Variants in TRAPPC2L observed in about 807,000 individuals in gnomAD.
TRAPPC2L encodes the protein trafficking protein particle complex subunit 2L.
A neutral mutation model predicts 13.2 loss-of-function variants in TRAPPC2L; 17 were observed. The ratio of observed to expected loss-of-function variants is 1.29; its 90% CI spans 0.88 to 1.93. The LOEUF is 1.93. Ranked by LOEUF, TRAPPC2L falls within the 30% of genes most tolerant of loss-of-function variation. TRAPPC2L has a pLI of 0.00. For missense variants in TRAPPC2L, 359 were observed against 252.1 expected, an observed-to-expected ratio of 1.42 and a Z score of -2.87; for synonymous variants, 150 against 98.1, an observed-to-expected ratio of 1.53 and a Z score of -3.12.
At chr16:88,858,950 T>C (rs143119043) in intron 2 of TRAPPC2L, 159 bp downstream of exon 2, 2 of 717,266 alleles carry the variant, frequency 2.8e-6, no homozygotes, top group Admixed American at 6.2e-5. Flanking sequence ...CTGTAACTCT[T>C]CTCTTTCATT....
In TRAPPC2L at chr16:88,860,896, G is replaced by A; in HGVS notation, c.*572G>A. On this transcript the variant is annotated 3_prime_UTR_variant, in exon 4 of 4. Coordinates refer to ENST00000565504, the Ensembl canonical transcript of TRAPPC2L. ...GAGGGCCTGGCTCTCCTCTGAGTGGGTCTGTTTCTCTTAGCAGGGCCTTTG... is the reference window on the plus strand; with the variant it reads ...GAGGGCCTGGCTCTCCTCTGAGTGGATCTGTTTCTCTTAGCAGGGCCTTTG... 1.3e-6 allele frequency: 2 copies of A among 1,585,614 alleles called. No homozygotes were observed. Among genetic ancestry groups the A allele is most frequent in the Non-Finnish European group, 8.6e-7 (1 of 1,167,682 alleles).
chr16:88,858,820 G>C (rs779661405), intron 2 of TRAPPC2L, 29 bp downstream of exon 2: 5 of 1,599,890 alleles, frequency 3.1e-6, no homozygotes, highest in Non-Finnish European at 4.3e-6. Context: ...TGTGTGTCAG[G>C]GAGGACCTAC....
Position 88,857,354 on chromosome 16 carries a change from C to G in TRAPPC2L, c.33+171C>G, listed in dbSNP as rs1040149908. 13 of 592,648 alleles carry G rather than the reference C, an allele frequency of 2.2e-5. No individual in the cohort carries two copies. In the South Asian group the frequency reaches 2.9e-4, roughly 13 times the overall value. 36.7% of individuals were successfully genotyped at this position (592,648 alleles called of 1,614,324 possible). A position where few individuals can be genotyped will look rare whatever the true frequency, so the allele number is the denominator to read the frequency against. The stretch of plus-strand genomic sequence containing the variant: ...CGGTGGACGAGCCGCCAGGCAGACC[C>G]TGACTGAGACCCCAGTTCCGCGCTC... On this transcript the variant is annotated intron_variant, in intron 1 of 3. Coordinates refer to ENST00000565504, the Ensembl canonical transcript of TRAPPC2L.
intron 2 of TRAPPC2L, chr16:88,859,365 T>C: frequency 1.5e-6 from 1 of 684,260 alleles, no homozygotes; most frequent in East Asian, 2.8e-5. Context: ...GGGCCAGGCA[T>C]TGATTCATGA....
exon 4 of TRAPPC2L, chr16:88,861,629 C>G (rs1231803395): frequency 4.0e-6 from 2 of 496,132 alleles, no homozygotes; most frequent in Non-Finnish European, 8.3e-6. Context: ...TGCTGTGTCA[C>G]TTGATGACGT....
rs894376468 is a variant in TRAPPC2L at position 88,858,613 on chromosome 16, T to C, written c.34-6T>C. 4 of 1,611,762 alleles carry C rather than the reference T, an allele frequency of 2.5e-6. No homozygotes were observed. Among genetic ancestry groups the C allele is most frequent in the Admixed American group, 1.7e-5 (1 of 59,998 alleles). ...TCCTTTCAGTCGCCGTCATCCTTTC[T>C]TGCAGAATTACCCCCTCTACATTCG... is the stretch of plus-strand genomic sequence containing the variant. On this transcript the variant is annotated splice_polypyrimidine_tract_variant and splice_region_variant and intron_variant, in intron 1 of 3. Transcript: ENST00000565504.
At chr16:88,857,000 G>A (rs1296151658), upstream of TRAPPC2L, 2 of 1,390,744 alleles carry the variant, frequency 1.4e-6, no homozygotes, top group Non-Finnish European at 1.8e-6. Context: ...CGGGGCCAGA[G>A]TCCGCGGAGG....
intron 1 of TRAPPC2L, among the ~76,000 whole-genome samples, chr16:88,857,780 A>G (rs897178221): frequency 3.2e-4 from 49 of 152,128 alleles, no homozygotes; most frequent in African/African-American, 1.2e-3. Flanking sequence ...ACCTCTCCCC[A>G]GCTCCCATCC....
Position 88,860,747 on chromosome 16 carries a change from C to T in TRAPPC2L, c.*423C>T, listed in dbSNP as rs574466383. 164 of 720,094 alleles carry T rather than the reference C, an allele frequency of 2.3e-4. No individual in the cohort carries two copies. The South Asian group carries it at 2.7e-3, about 12-fold the overall frequency. 44.6% of individuals were successfully genotyped at this position (720,094 alleles called of 1,614,324 possible). On this transcript the variant is annotated 3_prime_UTR_variant, in exon 4 of 4. Transcript: ENST00000565504. ...GGAGGCAGCAGATGGGTTCTCAGTG[C>T]CCGGTGGGGTGGGACTCCTGTCCTG...
At chr16:88,857,100 G>T, upstream of TRAPPC2L, 1 of 1,552,488 alleles carries the variant, frequency 6.4e-7, no homozygotes, top group Non-Finnish European at 8.7e-7. Context: ...TGGAGGCCGC[G>T]TGACCAGCGG....
chr16:88,861,750 T>A (rs1968407518), exon 4 of TRAPPC2L: 1 of 454,224 alleles, frequency 2.2e-6, no homozygotes, highest in Non-Finnish European at 4.4e-6. Flanking sequence ...CCCCCGGAGT[T>A]GGTTCCAGCA....
exon 3 of TRAPPC2L, chr16:88,859,713 C>T (rs114296684): frequency 1.9e-6 from 3 of 1,614,052 alleles, no homozygotes; most frequent in East Asian, 2.2e-5. Context: ...GTGGTAGATT[C>T]CTCCAACACA....
chr16:88,861,728 G>A (rs560155961), exon 4 of TRAPPC2L: 6 of 460,374 alleles, frequency 1.3e-5, no homozygotes, highest in African/African-American at 8.0e-5. Flanking sequence ...GGCTCAGCCC[G>A]CTGAGGGGAC....
intron 1 of TRAPPC2L, among the ~76,000 whole-genome samples, chr16:88,857,874 C>A (rs546213476): frequency 1.6e-4 from 24 of 152,378 alleles, no homozygotes; most frequent in African/African-American, 4.8e-4. Flanking sequence ...CACGCTCCTG[C>A]TGCACGGAGC....
Position 88,858,742 on chromosome 16 carries a change from C to CAG in TRAPPC2L, c.160_161dup (p.Glu55GlyfsTer25). 3.7e-6 allele frequency: 6 copies of CAG among 1,613,426 alleles called. No individual in the cohort carries two copies. The highest frequency in any genetic ancestry group is 5.1e-6 in the Non-Finnish European group (6 of 1,179,992). The stretch of plus-strand genomic sequence containing the variant: ...CGCAATGGGGAAGGCCCTGGTCGAC[C>CAG]AGAGGGAGCTGTACCTGGGCCTGCT... On this transcript the variant is annotated frameshift_variant, in exon 2 of 4. Coordinates refer to ENST00000565504, the Ensembl canonical transcript of TRAPPC2L. LOFTEE classifies it high-confidence loss of function.
At chr16:88,858,105 T>C (rs748630586) in intron 1 of TRAPPC2L, among the ~76,000 whole-genome samples, 1 of 152,176 alleles carries the variant, frequency 6.6e-6, no homozygotes, top group Admixed American at 6.5e-5. Context: ...GGGTAAATGG[T>C]GGTGTGTGAA....
exon 4 of TRAPPC2L, chr16:88,862,194 C>CTGTGGTGAT (rs1968431723): frequency 6.5e-6 from 1 of 153,690 alleles, no homozygotes; most frequent in Non-Finnish European, 1.5e-5. Context: ...ATCACTCCTG[C>CTGTGGTGAT]CCGAGTCCTG....
At chr16:88,857,074 G>C, upstream of TRAPPC2L, 4 of 1,507,130 alleles carry the variant, frequency 2.7e-6, no homozygotes, top group Non-Finnish European at 3.5e-6. Flanking sequence ...AGCTGTGTGC[G>C]GATGGGGCGG....
chr16:88,856,291 G>C, upstream of TRAPPC2L: 1 of 702,984 alleles, frequency 1.4e-6, no homozygotes, highest in South Asian at 1.5e-5. Context: ...CCGAGGTGGC[G>C]GGAGTGATTC....
Sources: gnomAD v4.1 joint callset for allele counts (sites outside exome capture counted in the v4.1 genomes callset) on GRCh38, gnomAD v4.1.1 for gene constraint, MANE v1.5 for transcripts, NCBI Gene and HGNC (gene_info 2026-07-23, HGNC 2026-07-21) for gene names.